Variants in SYNJ1 observed in about 807,000 individuals in gnomAD.
SYNJ1 encodes the protein polyphosphatidylinositol phosphatase SYNJ1.
In SYNJ1, 78 loss-of-function variants were observed where a neutral mutation model predicts 168.2. The ratio of observed to expected loss-of-function variants is 0.46; its 90% confidence interval spans 0.39 to 0.56. SYNJ1 has a LOEUF of 0.56. Among genes scored for constraint, SYNJ1 ranks in the 20% least tolerant of loss-of-function variants. SYNJ1 has a pLI of 0.00. For missense variants in SYNJ1, 1,303 were observed against 1,597.6 expected (o/e 0.82, Z 3.14); for synonymous variants, 539 against 548.6 (o/e 0.98, Z 0.24).
At chr21:32,650,816 T>C (rs1374400447) in intron 22 of SYNJ1, among the ~76,000 whole-genome samples, 3 of 152,236 alleles carry the variant, frequency 2.0e-5, no homozygotes. Flanking sequence ...AGCTGCTATA[T>C]TGTCAGCTGC....
At chr21:32,648,960 C>T (rs1054551488) in intron 23 of SYNJ1, among the ~76,000 whole-genome samples, 3 of 152,192 alleles carry the variant, frequency 2.0e-5, no homozygotes, top group Non-Finnish European at 4.4e-5. Flanking sequence ...CCCACTTAGA[C>T]TGTGCACATG....
rs1048709915 is a variant in SYNJ1 at position 32,695,907 on chromosome 21, C to T, written c.480-625G>A. On this transcript the variant is annotated intron_variant, in intron 4 of 32. Transcript: ENST00000674351. The stretch of plus-strand genomic sequence containing the variant: ...TGTCGCCCAGGTTGGAGTGCAGTGG[C>T]GGGATCTTGGCTCACTGCAAGCTCT... Among the ~76,000 whole-genome samples the T allele has an allele frequency of 6.6e-5, 10 of 150,758 alleles. No individual in the cohort carries two copies. The East Asian group carries it at 9.8e-4, about 15-fold the overall frequency.
At chr21:32,640,686 T>C (rs540739904) in intron 29 of SYNJ1, among the ~76,000 whole-genome samples, 1 of 151,944 alleles carries the variant, frequency 6.6e-6, no homozygotes, top group South Asian at 2.1e-4. Context: ...TGTAGTCCCC[T>C]GCGTAGCTGG....
intron 21 of SYNJ1, 50 bp downstream of exon 21, chr21:32,656,637 A>C (rs1423673654): frequency 2.0e-6 from 3 of 1,487,142 alleles, no homozygotes; most frequent in Non-Finnish European, 1.8e-6. Flanking sequence ...TTCTATATAG[A>C]AATGATTGTT....
chr21:32,635,256 G>A (rs747604733), intron 31 of SYNJ1, among the ~76,000 whole-genome samples: 11 of 152,158 alleles, frequency 7.2e-5, no homozygotes, highest in Non-Finnish European at 1.3e-4. Context: ...CTGTGTGATG[G>A]TATTTGGAGG....
At chr21:32,652,202 A>ATT (rs373043202) in intron 22 of SYNJ1, among the ~76,000 whole-genome samples, 32 of 144,872 alleles carry the variant, frequency 2.2e-4, no homozygotes, top group Non-Finnish European at 4.0e-4. Context: ...CACACAAAGA[A>ATT]TTTTTTTTTT....
At chr21:32,685,107 G>A (rs1477903102) in intron 9 of SYNJ1, among the ~76,000 whole-genome samples, 7 of 149,706 alleles carry the variant, frequency 4.7e-5, no homozygotes, top group African/African-American at 1.2e-4. Context: ...GCATGAGCCC[G>A]GGAGGCGGAG....
chr21:32,668,216 G>A (rs976015040), intron 15 of SYNJ1, among the ~76,000 whole-genome samples: 7 of 151,912 alleles, frequency 4.6e-5, no homozygotes, highest in African/African-American at 1.7e-4. Context: ...CAGGCACGGG[G>A]CACCACGTCC....
At chr21:32,711,333 C>T (rs1268101969) in intron 2 of SYNJ1, among the ~76,000 whole-genome samples, 1 of 151,184 alleles carries the variant, frequency 6.6e-6, no homozygotes, top group Non-Finnish European at 1.5e-5. Flanking sequence ...TCTGGAGTGA[C>T]TTACTTTTTT....
Position 32,631,388 on chromosome 21 carries a change from A to C in SYNJ1, c.*417T>G. On this transcript the variant is annotated 3_prime_UTR_variant, in exon 33 of 33. Coordinates refer to ENST00000674351, the MANE Select transcript of SYNJ1 (RefSeq NM_203446.3). The stretch of plus-strand genomic sequence containing the variant: ...TTTTGTTATGACCAAGAGGCTGCAG[A>C]GAAGGGAAAGGACTGATAGTAACGG... 1.2e-6 allele frequency: 2 copies of C among 1,614,222 alleles called. No individual in the cohort carries two copies. Among genetic ancestry groups the C allele is most frequent in the Non-Finnish European group, 1.7e-6 (2 of 1,180,044 alleles).
At chr21:32,653,119 G>T (rs1027462621) in intron 22 of SYNJ1, among the ~76,000 whole-genome samples, 169 bp downstream of exon 22, 1 of 152,148 alleles carries the variant, frequency 6.6e-6, no homozygotes, top group Non-Finnish European at 1.5e-5. Flanking sequence ...ATAAGCCTAG[G>T]CTAGTCAGAA....
chr21:32,704,281 G>C (rs546771727), intron 2 of SYNJ1, among the ~76,000 whole-genome samples: 2 of 152,128 alleles, frequency 1.3e-5, no homozygotes, highest in African/African-American at 4.8e-5. Context: ...CAGGAAACAG[G>C]ATACACACAC....
At chr21:32,649,342 T>TA (rs2040188813) in intron 23 of SYNJ1, among the ~76,000 whole-genome samples, 1 of 152,218 alleles carries the variant, frequency 6.6e-6, no homozygotes, top group Admixed American at 6.5e-5. Context: ...CTCTTAAATG[T>TA]GGTACCTAGC....
intron 15 of SYNJ1, among the ~76,000 whole-genome samples, 190 bp downstream of exon 15, chr21:32,670,098 C>T (rs1210572256): frequency 3.3e-5 from 5 of 152,148 alleles, no homozygotes. Flanking sequence ...AGTTATTTAA[C>T]ATTCTCAATA....
intron 13 of SYNJ1, among the ~76,000 whole-genome samples, chr21:32,675,782 A>G (rs1400618642): frequency 2.0e-5 from 3 of 152,226 alleles, no homozygotes; most frequent in Non-Finnish European, 4.4e-5. Context: ...ACACTTAACT[A>G]TTCTTTGTTA....
At chr21:32,721,632 T>C (rs1009969071) in intron 2 of SYNJ1, among the ~76,000 whole-genome samples, 4 of 151,606 alleles carry the variant, frequency 2.6e-5, no homozygotes, top group African/African-American at 9.7e-5. Context: ...TGAGTCAAGA[T>C]TGCACCACTG....
chr21:32,682,296 C>G (rs1361814663), intron 10 of SYNJ1, among the ~76,000 whole-genome samples: 1 of 152,126 alleles, frequency 6.6e-6, no homozygotes, highest in East Asian at 1.9e-4. Context: ...TCTTTATATG[C>G]AAGAATTCTA....
chr21:32,634,772 G>T, intron 32 of SYNJ1, 89 bp downstream of exon 32: 1 of 1,380,358 alleles, frequency 7.2e-7, no homozygotes, highest in South Asian at 1.3e-5. Flanking sequence ...AAAAATGGGT[G>T]AAACTTTAGA....
chr21:32,684,990 T>C (rs1199420243), intron 9 of SYNJ1, among the ~76,000 whole-genome samples: 1 of 150,858 alleles, frequency 6.6e-6, no homozygotes, highest in Non-Finnish European at 1.5e-5. Context: ...CCATCCTGGC[T>C]AACACGGTGA....
Sources: allele counts gnomAD v4.1 joint callset (sites outside exome capture counted in the v4.1 genomes callset), GRCh38; gene constraint gnomAD v4.1.1; transcripts MANE v1.5; gene names NCBI Gene and HGNC (gene_info 2026-07-23, HGNC 2026-07-21).